Variants in TRPM4 observed in about 807,000 individuals in gnomAD.
The protein encoded by TRPM4 is transient receptor potential cation channel subfamily M member 4.
In TRPM4, 124 loss-of-function variants were observed where a neutral mutation model predicts 135.6. The observed-to-expected ratio is 0.91, with a 90% confidence interval of 0.79 to 1.06. The LOEUF (loss-of-function observed/expected upper bound fraction) is 1.06. Ranked by LOEUF, TRPM4 falls within the 50% of genes least tolerant of loss-of-function variation. TRPM4 has a pLI of 0.00. For synonymous variants in TRPM4, 745 were observed against 705.6 expected, an observed-to-expected ratio of 1.06 and a Z score of -0.88; for missense variants, 1,658 against 1,671.4, an observed-to-expected ratio of 0.99 and a Z score of 0.14.
intron 9 of TRPM4, among the ~76,000 whole-genome samples, chr19:49,178,200 G>A (rs1216715840): frequency 6.6e-6 from 1 of 152,138 alleles, no homozygotes; most frequent in Non-Finnish European, 1.5e-5. Flanking sequence ...CTGTGCGCCT[G>A]TAGTCCCAGC....
At position 49,166,065 on chromosome 19, in the gene TRPM4, C is replaced by T. The variant is rs769272338; in HGVS notation, c.117C>T (p.Arg39=). The change falls in exon 3 of 25, where the codon CGC becomes CGT. Residue 39 remains arginine (R), a synonymous_variant. Transcript: ENST00000252826. ...DPGGTLCQCG[R]PRTAHPAVAM... ...GAGGGACCTTGTGCCAGTGTGGGCG[C>T]CCCCGGACCGCCCACCCCGCAGTGG... 1.3e-6 allele frequency: 2 copies of T among 1,598,994 alleles called. No individual in the cohort carries two copies. The highest frequency in any genetic ancestry group is 1.7e-6 in the Non-Finnish European group (2 of 1,174,558).
chr19:49,169,333 G>A lies in TRPM4; in HGVS notation c.796+597G>A, dbSNP rs191126361. On this transcript the variant is annotated intron_variant, in intron 6 of 24. Coordinates refer to ENST00000252826, the MANE Select transcript of TRPM4 (RefSeq NM_017636.4). ...GTTGCCCAGGCTGGAGTGCAGTGGC[G>A]CGATCTCGGCTCACTGCAGCCTCTG... Among the ~76,000 whole-genome samples, 289 of 146,736 alleles carry A rather than the reference G, an allele frequency of 2.0e-3. 2 individuals carry two copies. In the Middle Eastern group the frequency reaches 0.024, roughly 12 times the overall value.
Position 49,200,378 on chromosome 19 carries a change from C to T in TRPM4, c.2724C>T (p.His908=), listed in dbSNP as rs1027364647. 1.9e-6 allele frequency: 3 copies of T among 1,612,914 alleles called. No individual in the cohort carries two copies. Among genetic ancestry groups the T allele is most frequent in the Non-Finnish European group, 1.7e-6 (2 of 1,179,440 alleles). Residue 908 remains histidine, a synonymous_variant, in exon 18 of 25, where the codon CAC becomes CAT. Coordinates refer to ENST00000252826, the MANE Select transcript of TRPM4 (RefSeq NM_017636.4). ...DFMVFTVRLL[H]IFTVNKQLGP... is the part of the protein sequence containing the mutation. ...TGGTTTTCACGGTGCGGCTGCTTCA[C>T]ATCTTCACGGTCAACAAACAGCTGG...
chr19:49,168,178 G>A (rs947301156), intron 4 of TRPM4, 81 bp downstream of exon 4: 14 of 1,582,316 alleles, frequency 8.8e-6, no homozygotes, highest in Admixed American at 1.7e-5. Flanking sequence ...GGCCTCCCCC[G>A]CCGCCCAGTG....
intron 9 of TRPM4, among the ~76,000 whole-genome samples, chr19:49,179,681 T>C (rs977049904): frequency 6.6e-6 from 1 of 152,240 alleles, no homozygotes; most frequent in Non-Finnish European, 1.5e-5. Flanking sequence ...CAATTTTGTT[T>C]CCTTCTTTTG....
chr19:49,204,055 G>C (rs555512998), intron 20 of TRPM4, among the ~76,000 whole-genome samples: 2 of 152,280 alleles, frequency 1.3e-5, no homozygotes, highest in Admixed American at 6.5e-5. Context: ...AGGAGGCGGA[G>C]GCTACAGTGA....
Position 49,167,928 on chromosome 19 carries a change from C to T in TRPM4, c.279C>T (p.Leu93=), listed in dbSNP as rs779333358. 2 of 1,614,000 alleles carry T rather than the reference C, an allele frequency of 1.2e-6. No homozygotes were observed. The highest frequency in any genetic ancestry group is 1.7e-6 in the Non-Finnish European group (2 of 1,180,040). ...AGRKHSNFLR[L]SDRTDPAAVY... is the part of the protein sequence containing the mutation. ...CCATGTGTCCACAGTTCCTCCGGCT[C>T]TCTGACCGAACGGATCCAGCTGCAG... Residue 93 remains leucine (L), a synonymous_variant, in exon 4 of 25, where the codon CTC becomes CTT. Transcript: ENST00000252826.
At chr19:49,201,898 G>T in intron 19 of TRPM4, 66 bp from the exon 20 acceptor site, 1 of 1,572,658 alleles carries the variant, frequency 6.4e-7, no homozygotes. Flanking sequence ...ACCGCGCCCG[G>T]CAGTCTTCCT....
chr19:49,182,616 G>A lies in TRPM4; in HGVS notation c.1302G>A (p.Leu434=), dbSNP rs764942883. 2.5e-6 allele frequency: 4 copies of A among 1,614,064 alleles called. No homozygotes were observed. In the African/African-American group the frequency reaches 5.3e-5, roughly 21 times the overall value. The stretch of plus-strand genomic sequence containing the variant: ...AAGCTTCCCTCATGGACGCCCTGCT[G>A]AATGACCGGCCTGAGTTCGTGCGCT... The part of the protein sequence containing the change: ...HLEASLMDAL[L]NDRPEFVRLL... Residue 434 remains leucine, a synonymous_variant, in exon 11 of 25, where the codon CTG becomes CTA. Transcript: ENST00000252826.
intron 12 of TRPM4, among the ~76,000 whole-genome samples, chr19:49,186,148 G>A (rs990019824): frequency 6.6e-6 from 1 of 152,198 alleles, no homozygotes; most frequent in African/African-American, 2.4e-5. Flanking sequence ...GTCTGCTGGT[G>A]ACTTGACAGA....
At chr19:49,207,902 C>T (rs865774037) in intron 20 of TRPM4, among the ~76,000 whole-genome samples, 7 of 151,934 alleles carry the variant, frequency 4.6e-5, no homozygotes, top group Middle Eastern at 3.4e-3. Flanking sequence ...ACGTGGAGAC[C>T]GACAGTGGCC....
intron 9 of TRPM4, among the ~76,000 whole-genome samples, chr19:49,173,115 C>T (rs575096093): frequency 7.7e-4 from 117 of 152,036 alleles, no homozygotes; most frequent in Non-Finnish European, 1.2e-3. Flanking sequence ...CATCTTCTCA[C>T]CTGTCCATCC....
chr19:49,181,564 C>T (rs1401959859), intron 10 of TRPM4, 103 bp downstream of exon 10: 6 of 783,778 alleles, frequency 7.7e-6, no homozygotes, highest in Admixed American at 5.3e-5. Context: ...CGGAGTCTCA[C>T]TCTGTCACCC....
chr19:49,210,317 C>T lies in TRPM4; in HGVS notation c.3240C>T (p.Ile1080=). ...HSRPALAPPF[I]VISHLRLLLR... is the part of the protein sequence containing the mutation. Reference sequence around the variant, plus strand: ...GGCCCGCGCTGGCCCCGCCCTTTATCGTCATCTCCCACTTGCGCCTCCTGC... The same window carrying T: ...GGCCCGCGCTGGCCCCGCCCTTTATTGTCATCTCCCACTTGCGCCTCCTGC... The change falls in exon 21 of 25, where the codon ATC becomes ATT. Residue 1080 remains isoleucine (I), a synonymous_variant. Transcript: ENST00000252826. This position sits in a 1 kb window ranked among gnomAD's most constrained non-coding sequence, Gnocchi z 4.1. The T allele has an allele frequency of 6.2e-7, 1 of 1,614,220 alleles. No individual in the cohort carries two copies. Among genetic ancestry groups the T allele is most frequent in the African/African-American group, 1.3e-5 (1 of 75,072 alleles).
chr19:49,182,093 T>TCCATCCATCC (rs1967958459), intron 10 of TRPM4, among the ~76,000 whole-genome samples: 2 of 60,878 alleles, frequency 3.3e-5, no homozygotes, highest in Non-Finnish European at 6.7e-5. Flanking sequence ...TCCATCCATC[T>TCCATCCATCC]GTCCATCCAT....
chr19:49,177,529 T>C (rs1967745736), intron 9 of TRPM4, among the ~76,000 whole-genome samples: 1 of 151,936 alleles, frequency 6.6e-6, no homozygotes, highest in Non-Finnish European at 1.5e-5. Context: ...GGTTTCACCA[T>C]GTTGGCCAGG....
At chr19:49,204,290 G>A (rs866163305) in intron 20 of TRPM4, among the ~76,000 whole-genome samples, 16 of 152,172 alleles carry the variant, frequency 1.1e-4, no homozygotes, top group African/African-American at 1.9e-4. Flanking sequence ...GGAATTCCTC[G>A]GTCATGTGGT....
intron 12 of TRPM4, among the ~76,000 whole-genome samples, chr19:49,187,106 T>C (rs1968225134): frequency 6.6e-6 from 1 of 151,992 alleles, no homozygotes; most frequent in South Asian, 2.1e-4. Context: ...GCCACTGAAC[T>C]GGGGAGCTGG....
chr19:49,169,364 T>C (rs55973215), intron 6 of TRPM4, among the ~76,000 whole-genome samples: 2 of 110,620 alleles, frequency 1.8e-5, no homozygotes, highest in African/African-American at 3.6e-5. Context: ...CTCTGCCTCC[T>C]GGGTTCAAGC....
Sources: gnomAD v4.1 joint callset for allele counts (sites outside exome capture counted in the v4.1 genomes callset) on GRCh38, gnomAD v4.1.1 for gene constraint, Gnocchi (gnomAD v3.1) non-coding constraint, MANE v1.5 for transcripts, NCBI Gene and HGNC (gene_info 2026-07-23, HGNC 2026-07-21) for gene names.